The following DIAPH3 variants were observed in gnomAD, a reference collection of about 807,000 sequenced individuals.
DIAPH3 encodes the protein protein diaphanous homolog 3.
In DIAPH3, 117 loss-of-function variants were observed where a neutral mutation model predicts 144.3. That is an observed-to-expected ratio of 0.81 (90% CI 0.70 to 0.95). DIAPH3 has a LOEUF of 0.95. Among genes scored for constraint, DIAPH3 ranks in the 40% least tolerant of loss-of-function variants. The probability of loss-of-function intolerance (pLI) is 0.00; values close to 1 mark genes in which losing one functional copy is unlikely to be tolerated. For synonymous variants in DIAPH3, 519 were observed against 488.9 expected (o/e 1.06, Z -0.81); for missense variants, 1,421 against 1,412.7 (o/e 1.01, Z -0.09).
At chr13:59,946,289 A>C (rs1259523079) in intron 17 of DIAPH3, among the ~76,000 whole-genome samples, 1 of 152,190 alleles carries the variant, frequency 6.6e-6, no homozygotes, top group Admixed American at 6.5e-5. Context: ...TGGTTAAGTA[A>C]AAACAAATAT....
intron 7 of DIAPH3, 110 bp from the exon 8 acceptor site, chr13:60,010,779 C>T: frequency 9.3e-7 from 1 of 1,074,134 alleles, no homozygotes; most frequent in Non-Finnish European, 1.3e-6. Context: ...TTTACACTTA[C>T]TAAAGCTAAA....
chr13:59,708,328 C>T (rs1011667914), intron 27 of DIAPH3, among the ~76,000 whole-genome samples: 2 of 152,186 alleles, frequency 1.3e-5, no homozygotes, highest in Admixed American at 6.5e-5. Flanking sequence ...AGCAAACTCC[C>T]TTGAAAGAGT....
At chr13:60,013,050 A>T in intron 7 of DIAPH3, 1 of 985,442 alleles carries the variant, frequency 1.0e-6, no homozygotes, top group African/African-American at 1.7e-5. Flanking sequence ...TCAACTTACC[A>T]GTGCTCGGAT....
intron 5 of DIAPH3, among the ~76,000 whole-genome samples, chr13:60,028,461 A>T (rs1443397416): frequency 6.6e-6 from 1 of 152,116 alleles, no homozygotes; most frequent in Non-Finnish European, 1.5e-5. Flanking sequence ...TCCAGAAACC[A>T]GCATTTGGGG....
chr13:59,954,484 A>G (rs1030960281), intron 17 of DIAPH3, among the ~76,000 whole-genome samples: 1 of 152,206 alleles, frequency 6.6e-6, no homozygotes, highest in African/African-American at 2.4e-5. Flanking sequence ...TTCACAAAAC[A>G]ACCGTCTTAA....
chr13:59,742,598 A>G (rs7997425), intron 27 of DIAPH3, among the ~76,000 whole-genome samples: 1 of 142,586 alleles, frequency 7.0e-6, no homozygotes, highest in South Asian at 2.3e-4. Flanking sequence ...AAGAGAAAAG[A>G]AAAGAAAGAA....
At chr13:59,796,900 TA>T (rs2039637365) in intron 25 of DIAPH3, among the ~76,000 whole-genome samples, 1 of 152,182 alleles carries the variant, frequency 6.6e-6, no homozygotes, top group Non-Finnish European at 1.5e-5. Flanking sequence ...AGTTTGTTAT[TA>T]ATTTACAGAA....
chr13:59,881,770 T>A (rs918665149), intron 20 of DIAPH3, among the ~76,000 whole-genome samples: 1 of 151,998 alleles, frequency 6.6e-6, no homozygotes, highest in Non-Finnish European at 1.5e-5. Context: ...CAAGGCAAAG[T>A]CAGGAAATGT....
chr13:59,943,940 G>A (rs764188601), intron 17 of DIAPH3, among the ~76,000 whole-genome samples: 37 of 152,140 alleles, frequency 2.4e-4, no homozygotes, highest in Non-Finnish European at 4.7e-4. Flanking sequence ...GGCTGGGCAC[G>A]GTAGCTCATG....
At chr13:59,927,663 T>A (rs921961767) in intron 17 of DIAPH3, among the ~76,000 whole-genome samples, 18 of 152,198 alleles carry the variant, frequency 1.2e-4, no homozygotes, top group Admixed American at 1.0e-3. Context: ...TAAAGCATTC[T>A]TACCTGACAG....
In DIAPH3 at chr13:60,159,404, T is replaced by C. The variant is rs369952116; in HGVS notation, c.180+4183A>G. 1.1e-4 allele frequency among the ~76,000 whole-genome samples: 16 copies of C among 151,904 alleles called. 1 individual carries two copies. The highest frequency in any genetic ancestry group is 6.6e-4 in the Admixed American group (10 of 15,242). On this transcript the variant is annotated intron_variant, in intron 1 of 27. Coordinates refer to ENST00000400324, the MANE Select transcript of DIAPH3 (RefSeq NM_001042517.2). ...ACTTTGGGAGGCCGAAGCGGGTGGATCACTTGAGGTCAGGAGTTCAAGACC... is the reference window on the plus strand; with the variant it reads ...ACTTTGGGAGGCCGAAGCGGGTGGACCACTTGAGGTCAGGAGTTCAAGACC...
At chr13:59,726,903 A>T (rs2035626476) in intron 27 of DIAPH3, among the ~76,000 whole-genome samples, 1 of 152,216 alleles carries the variant, frequency 6.6e-6, no homozygotes, top group Non-Finnish European at 1.5e-5. Context: ...TGAATGGAGT[A>T]GAAATTAGAT....
chr13:59,765,057 G>A (rs554610660), intron 27 of DIAPH3, among the ~76,000 whole-genome samples: 16 of 152,080 alleles, frequency 1.1e-4, no homozygotes, highest in African/African-American at 3.9e-4. Context: ...TTCTCTTGGT[G>A]GCTCTGTGGT....
rs771830933 is a variant in DIAPH3 at position 59,774,843 on chromosome 13, G to A, written c.3164-20C>T. On this transcript the variant is annotated intron_variant, in intron 25 of 27. Transcript: ENST00000400324. ...CACCCTCTGTGAAAAGAGATGCAGG[G>A]AATTCCATCAGCCCTCAGGGTTACC... 2 of 1,597,942 alleles carry A rather than the reference G, an allele frequency of 1.3e-6. No homozygotes were observed. Among genetic ancestry groups the A allele is most frequent in the Non-Finnish European group, 8.6e-7 (1 of 1,165,390 alleles).
At chr13:60,099,664 G>A (rs1205306409) in intron 3 of DIAPH3, among the ~76,000 whole-genome samples, 6 of 152,084 alleles carry the variant, frequency 3.9e-5, no homozygotes, top group African/African-American at 7.2e-5. Context: ...GACCACTCTC[G>A]GCTTGCCAGG....
chr13:60,025,556 C>A (rs1484254644), intron 5 of DIAPH3, among the ~76,000 whole-genome samples: 17 of 148,458 alleles, frequency 1.1e-4, no homozygotes, highest in Admixed American at 1.1e-3. Context: ...ACCAAGTAAA[C>A]CTGACATAAC....
intron 25 of DIAPH3, among the ~76,000 whole-genome samples, chr13:59,794,256 G>C (rs2039470759): frequency 6.6e-6 from 1 of 152,160 alleles, no homozygotes; most frequent in African/African-American, 2.4e-5. Flanking sequence ...CCCATCAAAA[G>C]TTGAGGTGCA....
At chr13:59,876,799 C>T (rs1239326889) in intron 21 of DIAPH3, among the ~76,000 whole-genome samples, 3 of 152,136 alleles carry the variant, frequency 2.0e-5, no homozygotes, top group Non-Finnish European at 2.9e-5. Flanking sequence ...CACTTTTGCA[C>T]GAGGAAACAG....
chr13:60,023,173 T>C (rs1002812546), intron 5 of DIAPH3, among the ~76,000 whole-genome samples: 1 of 152,228 alleles, frequency 6.6e-6, no homozygotes, highest in African/African-American at 2.4e-5. Context: ...CACCTGCACC[T>C]GAAGATCTTT....
Sources: gnomAD v4.1 joint callset for allele counts (sites outside exome capture counted in the v4.1 genomes callset) on GRCh38, gnomAD v4.1.1 for gene constraint, MANE v1.5 for transcripts, NCBI Gene and HGNC (gene_info 2026-07-23, HGNC 2026-07-21) for gene names.